The following LRRC37A2 variants were observed in gnomAD, a reference collection of about 807,000 sequenced individuals.
The protein encoded by LRRC37A2 is leucine-rich repeat-containing protein 37A2.
A neutral mutation model predicts 68.8 loss-of-function variants in LRRC37A2; 9 were observed. The observed-to-expected ratio is 0.13, with a 90% CI of 0.08 to 0.23. LRRC37A2 has a LOEUF of 0.23. Among genes scored for constraint, LRRC37A2 ranks in the 10% least tolerant of loss-of-function variants. LRRC37A2 has a pLI of 1.00. For missense variants in LRRC37A2, 168 were observed against 950.4 expected, an observed-to-expected ratio of 0.18 and a Z score of 10.82; for synonymous variants, 63 against 367.6, an observed-to-expected ratio of 0.17 and a Z score of 9.48.
At chr17:47,021,048 T>C in the LRRC37A2 span, among the ~76,000 whole-genome samples, 1 of 152,030 alleles carries the variant, frequency 6.6e-6, no homozygotes, top group African/African-American at 2.4e-5. Context: ...TGGAATTTAG[T>C]AGACCAACGT....
chr17:46,802,089 A>G, the LRRC37A2 span, among the ~76,000 whole-genome samples: 3 of 152,182 alleles, frequency 2.0e-5, no homozygotes, highest in African/African-American at 7.2e-5. Flanking sequence ...TAAAATATAT[A>G]TTTGGTCTTC....
chr17:46,779,090 CA>C, the LRRC37A2 span, among the ~76,000 whole-genome samples: 47 of 148,336 alleles, frequency 3.2e-4, 1 homozygote, highest in East Asian at 8.4e-3. Context: ...CACACACACA[CA>C]CACACACACA....
intron 7 of LRRC37A2, among the ~76,000 whole-genome samples, chr17:46,540,472 C>A (rs1343759446): frequency 1.4e-5 from 2 of 147,834 alleles, no homozygotes; most frequent in African/African-American, 5.2e-5. Flanking sequence ...AGATTTGGAA[C>A]ATGTAGACAC....
chr17:46,765,829 A>G, the LRRC37A2 span, among the ~76,000 whole-genome samples: 2 of 152,234 alleles, frequency 1.3e-5, no homozygotes, highest in African/African-American at 4.8e-5. Context: ...GGACAACCCT[A>G]CACAGAACAC....
chr17:46,876,380 G>C, the LRRC37A2 span: 1 of 1,613,974 alleles, frequency 6.2e-7, no homozygotes, highest in South Asian at 1.1e-5. Context: ...TGACTCGGCT[G>C]TCAAGGTGTC....
the LRRC37A2 span, among the ~76,000 whole-genome samples, chr17:46,959,441 G>A: frequency 1.3e-5 from 2 of 152,100 alleles, no homozygotes; most frequent in Non-Finnish European, 2.9e-5. Flanking sequence ...GCCTTAAATC[G>A]CTTGAGAAAG....
chr17:46,816,119 A>ACACACACACACGCATG, the LRRC37A2 span, among the ~76,000 whole-genome samples: 12 of 150,666 alleles, frequency 8.0e-5, no homozygotes, highest in East Asian at 2.0e-3. Flanking sequence ...ACGTACACAC[A>ACACACACACACGCATG]CACACACACA....
chr17:46,786,533 G>A, the LRRC37A2 span, among the ~76,000 whole-genome samples: 1 of 152,382 alleles, frequency 6.6e-6, no homozygotes, highest in Admixed American at 6.5e-5. Flanking sequence ...GTGGGCAAGT[G>A]CTGCCTGGTG....
chr17:46,805,253 T>C, the LRRC37A2 span, among the ~76,000 whole-genome samples: 2 of 150,576 alleles, frequency 1.3e-5, no homozygotes, highest in Non-Finnish European at 3.0e-5. Flanking sequence ...GCAAGAGTAA[T>C]GTAGGGAGAT....
At chr17:47,002,230 T>C in the LRRC37A2 span, among the ~76,000 whole-genome samples, 18 of 152,176 alleles carry the variant, frequency 1.2e-4, no homozygotes, top group Non-Finnish European at 2.4e-4. Context: ...TGTGGGTACA[T>C]AGTAAGGGTA....
the LRRC37A2 span, among the ~76,000 whole-genome samples, chr17:46,850,264 G>A: frequency 6.6e-6 from 1 of 152,152 alleles, no homozygotes; most frequent in Non-Finnish European, 1.5e-5. Flanking sequence ...CATTACATTG[G>A]GCCATGTGGC....
At chr17:46,525,500 T>A (rs2052583152) in intron 6 of LRRC37A2, among the ~76,000 whole-genome samples, 1 of 111,314 alleles carries the variant, frequency 9.0e-6, no homozygotes, top group Non-Finnish European at 2.0e-5. Context: ...GGCAGGAGAA[T>A]CACTTGAAAC....
At chr17:46,909,117 AC>A in the LRRC37A2 span, among the ~76,000 whole-genome samples, 162 of 152,332 alleles carry the variant, frequency 1.1e-3, no homozygotes, top group Middle Eastern at 6.8e-3. Flanking sequence ...AGTGGCACAT[AC>A]ATGGCTCACT....
chr17:47,003,951 A>G, the LRRC37A2 span, among the ~76,000 whole-genome samples: 1 of 152,042 alleles, frequency 6.6e-6, no homozygotes, highest in African/African-American at 2.4e-5. Flanking sequence ...ATTCCCACCT[A>G]TGAGTGAGAA....
chr17:46,715,056 T>C, the LRRC37A2 span, among the ~76,000 whole-genome samples: 1 of 152,228 alleles, frequency 6.6e-6, no homozygotes, highest in Non-Finnish European at 1.5e-5. Flanking sequence ...GCTAGTCTCT[T>C]GTTTGTGCAG....
chr17:46,808,489 G>A, the LRRC37A2 span, among the ~76,000 whole-genome samples: 2 of 152,358 alleles, frequency 1.3e-5, no homozygotes, highest in African/African-American at 2.4e-5. Flanking sequence ...CTGAATGGTG[G>A]TAGAAGGAAA....
At chr17:46,881,586 T>C in the LRRC37A2 span, among the ~76,000 whole-genome samples, 1 of 152,142 alleles carries the variant, frequency 6.6e-6, no homozygotes, top group African/African-American at 2.4e-5. Flanking sequence ...CCTCACCTCC[T>C]CCTGCCCTCA....
chr17:46,929,737 T>G, the LRRC37A2 span: 3,068 of 630,684 alleles, frequency 4.9e-3, 66 homozygotes, highest in African/African-American at 0.051. Flanking sequence ...TATGGCAAAG[T>G]CACTGATTTC....
the LRRC37A2 span, among the ~76,000 whole-genome samples, chr17:46,854,062 G>T: frequency 6.6e-5 from 10 of 152,280 alleles, no homozygotes; most frequent in East Asian, 1.9e-3. Context: ...GCTGGAAAGA[G>T]CTGACAAAAG....
Sources: gnomAD v4.1 joint callset for allele counts (sites outside exome capture counted in the v4.1 genomes callset) on GRCh38, gnomAD v4.1.1 for gene constraint, MANE v1.5 for transcripts, NCBI Gene and HGNC (gene_info 2026-07-23, HGNC 2026-07-21) for gene names.